The following PSD3 variants were observed in gnomAD, a reference collection of about 807,000 sequenced individuals.
PSD3 encodes pleckstrin and Sec7 domain containing 3.
PSD3 carries 49 observed loss-of-function variants against 105.5 expected under a neutral mutation model. The observed-to-expected ratio is 0.46, with a 90% confidence interval of 0.37 to 0.59. The LOEUF is 0.59. PSD3 is among the 20% of genes least tolerant of loss of function. The pLI is 0.00. For missense variants in PSD3, 1,561 were observed against 1,263.8 expected (o/e 1.24, Z -3.57); for synonymous variants, 557 against 457.8 (o/e 1.22, Z -2.77).
At chr8:18,630,197 A>G (rs966676012) in intron 11 of PSD3, among the ~76,000 whole-genome samples, 6 of 151,628 alleles carry the variant, frequency 4.0e-5, no homozygotes, top group Admixed American at 6.6e-5. Context: ...TGCTACAAAG[A>G]CAAAAGCCCC....
chr8:18,681,466 AAAG>A (rs1423359950), intron 9 of PSD3, among the ~76,000 whole-genome samples: 4 of 146,538 alleles, frequency 2.7e-5, no homozygotes, highest in African/African-American at 1.1e-4. Context: ...AAAAAAAAAA[AAAG>A]AAGAGGAGGA....
chr8:19,052,264 G>A (rs1478958271), intron 1 of PSD3, among the ~76,000 whole-genome samples: 1 of 152,160 alleles, frequency 6.6e-6, no homozygotes, highest in Non-Finnish European at 1.5e-5. Context: ...CCAAGGTCAG[G>A]AGATTGAGAT....
At chr8:18,578,261 A>G (rs1002302349) in intron 12 of PSD3, among the ~76,000 whole-genome samples, 1 of 152,004 alleles carries the variant, frequency 6.6e-6, no homozygotes, top group Admixed American at 6.6e-5. Flanking sequence ...TCCCACCCTT[A>G]TTCTCCCTTA....
At chr8:18,952,479 T>C (rs1029851935) in intron 1 of PSD3, among the ~76,000 whole-genome samples, 2 of 152,216 alleles carry the variant, frequency 1.3e-5, no homozygotes, top group Non-Finnish European at 2.9e-5. Flanking sequence ...CACATGATAG[T>C]AAAATCTGGT....
chr8:18,961,580 C>G (rs4428700), intron 1 of PSD3, among the ~76,000 whole-genome samples: 28,802 of 152,014 alleles, frequency 0.19, 3,016 homozygotes, highest in Non-Finnish European at 0.24. Context: ...ATCCCAGCTA[C>G]TCGCGAGGCT....
At chr8:18,948,829 A>G (rs923830371) in intron 1 of PSD3, among the ~76,000 whole-genome samples, 4 of 151,436 alleles carry the variant, frequency 2.6e-5, no homozygotes, top group African/African-American at 9.7e-5. Context: ...AAAGAGAAAA[A>G]CAGGTGCTAA....
intron 10 of PSD3, among the ~76,000 whole-genome samples, chr8:18,640,069 A>T (rs1027539544): frequency 1.3e-5 from 2 of 152,158 alleles, no homozygotes; most frequent in Admixed American, 1.3e-4. Flanking sequence ...ATCCCCATTC[A>T]CTTTCAAAAA....
intron 9 of PSD3, chr8:18,684,067 A>G: frequency 1.6e-6 from 1 of 606,388 alleles, no homozygotes; most frequent in Middle Eastern, 3.7e-4. Context: ...GCGTTAGCTT[A>G]AGAAGCACCA....
At chr8:18,901,426 G>C (rs976859018) in intron 2 of PSD3, among the ~76,000 whole-genome samples, 4 of 152,128 alleles carry the variant, frequency 2.6e-5, no homozygotes, top group African/African-American at 9.7e-5. Flanking sequence ...TGACATTCAA[G>C]GGTATTATTG....
chr8:18,702,957 T>G (rs1801678770), intron 9 of PSD3, among the ~76,000 whole-genome samples: 1 of 152,148 alleles, frequency 6.6e-6, no homozygotes, highest in Non-Finnish European at 1.5e-5. Flanking sequence ...CTTTGTGTAG[T>G]GCCTGCTATA....
At chr8:19,066,712 C>T (rs573327505) in intron 1 of PSD3, among the ~76,000 whole-genome samples, 1 of 152,184 alleles carries the variant, frequency 6.6e-6, no homozygotes, top group Non-Finnish European at 1.5e-5. Context: ...AAACTAGAAA[C>T]AATAATAGAA....
intron 2 of PSD3, among the ~76,000 whole-genome samples, chr8:18,923,885 A>AAT (rs66515444): frequency 0.2 from 30,133 of 150,972 alleles, 3,155 homozygotes; most frequent in East Asian, 0.4. Context: ...AGCTACTTTA[A>AAT]ATATATATAT....
chr8:18,563,716 T>A (rs975379458), intron 14 of PSD3, among the ~76,000 whole-genome samples: 1 of 152,198 alleles, frequency 6.6e-6, no homozygotes, highest in Admixed American at 6.5e-5. Flanking sequence ...AGAAATGAAT[T>A]TTTAAAAATC....
At chr8:18,588,376 C>A (rs1803350588) in intron 12 of PSD3, among the ~76,000 whole-genome samples, 1 of 152,106 alleles carries the variant, frequency 6.6e-6, no homozygotes, top group Non-Finnish European at 1.5e-5. Flanking sequence ...TGCAAGGTTT[C>A]CAGGAACATA....
intron 1 of PSD3, among the ~76,000 whole-genome samples, chr8:19,054,889 A>G (rs375562349): frequency 1.6e-4 from 24 of 152,338 alleles, no homozygotes; most frequent in African/African-American, 5.5e-4. Flanking sequence ...ATAGACATAT[A>G]TGTTATTATT....
intron 1 of PSD3, among the ~76,000 whole-genome samples, chr8:18,949,114 C>CG (rs1356780915): frequency 6.8e-6 from 1 of 147,272 alleles, no homozygotes; most frequent in African/African-American, 2.5e-5. Context: ...CCCAGCTACT[C>CG]GGGAGGCTGA....
chr8:19,032,649 CAAAAAAAA>C (rs59029468), intron 1 of PSD3, among the ~76,000 whole-genome samples: 1 of 108,298 alleles, frequency 9.2e-6, no homozygotes, highest in African/African-American at 3.4e-5. Flanking sequence ...GACTCTGTCT[CAAAAAAAA>C]AAAAAAAAAA....
chr8:18,895,493 A>T (rs1819087438), intron 2 of PSD3, among the ~76,000 whole-genome samples: 1 of 152,318 alleles, frequency 6.6e-6, no homozygotes, highest in South Asian at 2.1e-4. Context: ...AGTGCATACA[A>T]TTCGTTTTGG....
At position 19,021,558 on chromosome 8, in the gene PSD3, CA is replaced by C. The variant is rs11431700; in HGVS notation, c.324+62647del. On this transcript the variant is annotated intron_variant, in intron 1 of 1. Coordinates refer to the PSD3 transcript ENST00000521475. ...TTATATTTTATTTGCTTTTTTGTTA[CA>C]AAAAAAAAAAAAACCCATAGCTTCT... Among the ~76,000 whole-genome samples the C allele has an allele frequency of 9.4e-3, 1,229 of 130,836 alleles. 8 individuals carry two copies. The highest frequency in any genetic ancestry group is 0.045 in the East Asian group (204 of 4,516). The allele number at this position is 130,836 out of a possible 152,430, so 85.8% of individuals were successfully genotyped here.
Sources: gnomAD v4.1 joint callset for allele counts (sites outside exome capture counted in the v4.1 genomes callset) on GRCh38, gnomAD v4.1.1 for gene constraint, MANE v1.5 for transcripts, NCBI Gene and HGNC (gene_info 2026-07-23, HGNC 2026-07-21) for gene names.